OXR1: variants seen among roughly 807,000 people sequenced by gnomAD.
The protein encoded by OXR1 is oxidation resistance protein 1.
OXR1 carries 41 observed loss-of-function variants against 104.6 expected under a neutral mutation model. That is an observed-to-expected ratio of 0.39 (90% confidence interval 0.31 to 0.51). OXR1 has a LOEUF of 0.51. Ranked by LOEUF, OXR1 falls within the 20% of genes least tolerant of loss-of-function variation. The probability of loss-of-function intolerance (pLI) is 0.77; values close to 1 mark genes in which losing one functional copy is unlikely to be tolerated. For missense variants in OXR1, 955 were observed against 1,031.9 expected, an observed-to-expected ratio of 0.93 and a Z score of 1.02; for synonymous variants, 348 against 348.4, an observed-to-expected ratio of 1.00 and a Z score of 0.01.
rs1817710838 is a variant in OXR1 at position 106,394,740 on chromosome 8, G to C, written c.23+35104G>C. Among the ~76,000 whole-genome samples the C allele has an allele frequency of 4.6e-5, 7 of 152,096 alleles. No individual in the cohort carries two copies. In the South Asian group the frequency reaches 1.5e-3, roughly 32 times the overall value. On this transcript the variant is annotated intron_variant, in intron 2 of 16. Transcript: ENST00000517566. ...TGGAGAGCAATTTGGTGGTTGCCAA[G>C]GTTTGAGGGAGAGGACAATAGTTGA...
chr8:106,503,220 C>T (rs1811925200), intron 2 of OXR1, among the ~76,000 whole-genome samples: 1 of 152,128 alleles, frequency 6.6e-6, no homozygotes, highest in South Asian at 2.1e-4. Flanking sequence ...TTCAACCCTT[C>T]CTTAGCCAGA....
intron 2 of OXR1, among the ~76,000 whole-genome samples, chr8:106,377,167 A>G (rs1816940399): frequency 6.6e-6 from 1 of 152,134 alleles, no homozygotes; most frequent in Admixed American, 6.5e-5. Flanking sequence ...TCAGAAATGC[A>G]TTTTTGGGAT....
intron 2 of OXR1, among the ~76,000 whole-genome samples, chr8:106,511,182 G>C (rs1812501050): frequency 6.6e-6 from 1 of 152,078 alleles, no homozygotes; most frequent in African/African-American, 2.4e-5. Context: ...TTTATGGTTT[G>C]TTTTTAGCTG....
chr8:106,383,907 G>A (rs1315565199), intron 2 of OXR1, among the ~76,000 whole-genome samples: 1 of 152,144 alleles, frequency 6.6e-6, no homozygotes, highest in Non-Finnish European at 1.5e-5. Context: ...CTCAGGAAAA[G>A]ACCTAGGGAT....
chr8:106,428,214 C>T (rs890553374), intron 2 of OXR1, among the ~76,000 whole-genome samples: 3 of 152,158 alleles, frequency 2.0e-5, no homozygotes, highest in African/African-American at 7.2e-5. Context: ...CTTCCATGTT[C>T]TTCCTCAGCA....
chr8:106,697,974 C>T (rs1371355603), intron 7 of OXR1: 3 of 1,612,852 alleles, frequency 1.9e-6, no homozygotes, highest in Non-Finnish European at 2.5e-6. Context: ...TCTGCTGCAC[C>T]TCCTGGCTCA....
chr8:106,593,308 C>T (rs1819247986), intron 3 of OXR1, among the ~76,000 whole-genome samples: 1 of 152,186 alleles, frequency 6.6e-6, no homozygotes, highest in South Asian at 2.1e-4. Flanking sequence ...AGCTCCCTGA[C>T]ACAGGCTGCA....
intron 11 of OXR1, among the ~76,000 whole-genome samples, chr8:106,728,347 G>A (rs1431452219): frequency 1.3e-5 from 2 of 151,658 alleles, no homozygotes; most frequent in Non-Finnish European, 2.9e-5. Context: ...AAATAATATG[G>A]CCATATTATT....
In OXR1 at chr8:106,359,639, G is replaced by A; in HGVS notation, c.23+3G>A. ...ATGTCTGTGTCTAATCTATCATGGT[G>A]AGTGAATGGTTTTCTTGCCTTAAAT... On this transcript the variant is annotated splice_donor_region_variant and intron_variant, in intron 2 of 16. Coordinates refer to ENST00000517566, the MANE Select transcript of OXR1 (RefSeq NM_001198533.2). The A allele has an allele frequency of 1.3e-6, 2 of 1,544,032 alleles. No homozygotes were observed. Among genetic ancestry groups the A allele is most frequent in the Non-Finnish European group, 1.8e-6 (2 of 1,139,828 alleles).
intron 2 of OXR1, among the ~76,000 whole-genome samples, chr8:106,364,988 G>A (rs1301285638): frequency 1.2e-4 from 19 of 152,156 alleles, no homozygotes; most frequent in Non-Finnish European, 1.0e-4. Context: ...GACTTGAACT[G>A]TCTCTATTTG....
At chr8:106,424,030 G>A (rs1311409634) in intron 2 of OXR1, among the ~76,000 whole-genome samples, 3 of 152,046 alleles carry the variant, frequency 2.0e-5, no homozygotes, top group Non-Finnish European at 4.4e-5. Flanking sequence ...TCTGCCTCCC[G>A]AGTTCACGTG....
intron 3 of OXR1, among the ~76,000 whole-genome samples, chr8:106,527,368 G>A (rs1813763967): frequency 6.6e-6 from 1 of 152,106 alleles, no homozygotes; most frequent in Non-Finnish European, 1.5e-5. Context: ...GTCATCCCCT[G>A]TTTAAAACCC....
chr8:106,425,991 A>G (rs909656199), intron 2 of OXR1, among the ~76,000 whole-genome samples: 2 of 152,176 alleles, frequency 1.3e-5, no homozygotes, highest in Non-Finnish European at 2.9e-5. Context: ...GGGGAGAGCC[A>G]TAGGAGCTGA....
intron 1 of OXR1, among the ~76,000 whole-genome samples, chr8:106,274,320 G>C (rs1811939185): frequency 1.3e-5 from 2 of 152,124 alleles, no homozygotes; most frequent in Admixed American, 6.5e-5. Context: ...CAGGAGCTCA[G>C]AGCACTTATT....
intron 3 of OXR1, among the ~76,000 whole-genome samples, chr8:106,603,622 G>T (rs575837199): frequency 7.2e-5 from 11 of 152,160 alleles, no homozygotes; most frequent in Admixed American, 5.2e-4. Context: ...TGTTTTTGTT[G>T]CTTTTCTATA....
At position 106,702,316 on chromosome 8, in the gene OXR1, A is replaced by G. The variant is rs553211014; in HGVS notation, c.676-590A>G. On this transcript the variant is annotated intron_variant, in intron 7 of 16. Coordinates refer to ENST00000517566, the MANE Select transcript of OXR1 (RefSeq NM_001198533.2). Reference sequence around the variant, plus strand: ...TTTTATAGCTTTTCATGGTGAGTTAAAAGTATATATACACTATATACTTTA... The same window carrying G: ...TTTTATAGCTTTTCATGGTGAGTTAGAAGTATATATACACTATATACTTTA... Among the ~76,000 whole-genome samples the G allele has an allele frequency of 2.8e-4, 43 of 152,286 alleles. No homozygotes were observed. In the South Asian group the frequency reaches 8.1e-3, roughly 29 times the overall value.
chr8:106,518,815 C>A, intron 2 of OXR1, 128 bp from the exon 3 acceptor site: 1 of 546,408 alleles, frequency 1.8e-6, no homozygotes, highest in Non-Finnish European at 3.1e-6. Context: ...GAATGTCTAT[C>A]ATTTCTGAAT....
At chr8:106,286,108 A>G (rs1812490420) in intron 1 of OXR1, among the ~76,000 whole-genome samples, 1 of 152,118 alleles carries the variant, frequency 6.6e-6, no homozygotes, top group African/African-American at 2.4e-5. Flanking sequence ...ATTCCCTGGG[A>G]TTTTGACAGA....
intron 3 of OXR1, among the ~76,000 whole-genome samples, chr8:106,599,198 A>G (rs1819761318): frequency 6.6e-6 from 1 of 152,204 alleles, no homozygotes; most frequent in Non-Finnish European, 1.5e-5. Flanking sequence ...GCTATTTATT[A>G]CTGAAAGATG....
Sources: gnomAD v4.1 joint callset for allele counts (sites outside exome capture counted in the v4.1 genomes callset) on GRCh38, gnomAD v4.1.1 for gene constraint, MANE v1.5 for transcripts, NCBI Gene and HGNC (gene_info 2026-07-23, HGNC 2026-07-21) for gene names.